UGGT2: variants seen among roughly 807,000 people sequenced by gnomAD.
The protein encoded by UGGT2 is UDP-glucose:glycoprotein glucosyltransferase 2.
A neutral mutation model predicts 192.1 loss-of-function variants in UGGT2; 180 were observed. The observed-to-expected ratio is 0.94, with a 90% CI of 0.83 to 1.06. The LOEUF is 1.06. Ranked by LOEUF, UGGT2 falls within the 50% of genes least tolerant of loss-of-function variation. UGGT2 has a pLI of 0.00. For synonymous variants in UGGT2, 580 were observed against 591.0 expected, an observed-to-expected ratio of 0.98 and a Z score of 0.27; for missense variants, 1,849 against 1,795.7, an observed-to-expected ratio of 1.03 and a Z score of -0.54.
At position 96,026,688 on chromosome 13, in the gene UGGT2, G is replaced by A. The variant is rs1472800726; in HGVS notation, c.242-2929C>T. Among the ~76,000 whole-genome samples the A allele has an allele frequency of 6.6e-4, 86 of 131,150 alleles. 1 individual carries two copies. The highest frequency in any genetic ancestry group is 6.3e-3 in the South Asian group (27 of 4,282). 86.0% of individuals were successfully genotyped at this position (131,150 alleles called of 152,430 possible). A position where few individuals can be genotyped will look rare whatever the true frequency, so the allele number is the denominator to read the frequency against. Reference sequence around the variant, plus strand: ...TTTTTTTTTTTTTTTTTTTTGAGACGGAGTCTCGCTCTGTCGCCCAGGTCG... The same window carrying A: ...TTTTTTTTTTTTTTTTTTTTGAGACAGAGTCTCGCTCTGTCGCCCAGGTCG... On this transcript the variant is annotated intron_variant, in intron 2 of 38. Coordinates refer to ENST00000376747, the MANE Select transcript of UGGT2 (RefSeq NM_020121.4).
intron 38 of UGGT2, among the ~76,000 whole-genome samples, chr13:95,811,989 G>C (rs1884609450): frequency 1.3e-5 from 2 of 152,052 alleles, no homozygotes; most frequent in Non-Finnish European, 2.9e-5. Context: ...ATAGGAAATG[G>C]CTTCTTTAAA....
chr13:95,964,526 T>C (rs538530547), intron 12 of UGGT2, among the ~76,000 whole-genome samples: 1 of 152,010 alleles, frequency 6.6e-6, no homozygotes, highest in Non-Finnish European at 1.5e-5. Context: ...AGCAAGCCTG[T>C]TCGATGGGAG....
intron 38 of UGGT2, among the ~76,000 whole-genome samples, chr13:95,810,136 T>C (rs1045615410): frequency 6.6e-6 from 1 of 152,190 alleles, no homozygotes; most frequent in Non-Finnish European, 1.5e-5. Context: ...ATTCGACTTT[T>C]TTTTGTAATA....
At chr13:95,828,777 C>T (rs1886328266) in intron 38 of UGGT2, among the ~76,000 whole-genome samples, 1 of 152,130 alleles carries the variant, frequency 6.6e-6, no homozygotes, top group African/African-American at 2.4e-5. Flanking sequence ...TGAAACTATT[C>T]CAATTAATAG....
At position 95,895,183 on chromosome 13, in the gene UGGT2, T is replaced by C. The variant is rs1464517367; in HGVS notation, c.2756A>G (p.Asn919Ser). The C allele has an allele frequency of 6.3e-7, 1 of 1,581,232 alleles. No homozygotes were observed. The highest frequency in any genetic ancestry group is 2.0e-5 in the Admixed American group (1 of 49,572). Residue 919 changes from asparagine to serine, a missense_variant, in exon 23 of 39, where the codon AAT (asparagine) becomes AGT (serine). Transcript: ENST00000376747. ...CTCTTAGAACTTATATACTCACTTA[T>C]TTGCGTTGATTCCCATATTTTCAAC... The part of the protein sequence containing the change: ...GIVENMGINA[N>S]NMSDFIMKVD...
chr13:95,947,261 C>T, intron 14 of UGGT2, 89 bp from the exon 15 acceptor site: 5 of 1,262,700 alleles, frequency 4.0e-6, no homozygotes, highest in Non-Finnish European at 5.4e-6. Flanking sequence ...ACTACAATAT[C>T]TAGATGGAGA....
chr13:95,892,695 T>C (rs556349977), intron 24 of UGGT2, among the ~76,000 whole-genome samples: 2 of 152,312 alleles, frequency 1.3e-5, no homozygotes, highest in South Asian at 2.1e-4. Context: ...GTTCATTATA[T>C]AGCATCCTCT....
intron 38 of UGGT2, among the ~76,000 whole-genome samples, chr13:95,825,210 G>A (rs966820984): frequency 2.0e-5 from 3 of 152,098 alleles, no homozygotes; most frequent in African/African-American, 7.2e-5. Flanking sequence ...TTTCTCCCCA[G>A]TATTTTATTT....
intron 4 of UGGT2, among the ~76,000 whole-genome samples, chr13:96,019,612 G>GT (rs1450543391): frequency 3.9e-5 from 6 of 152,186 alleles, no homozygotes; most frequent in African/African-American, 1.4e-4. Flanking sequence ...ATCTAAAGGA[G>GT]TAAACCAGAC....
At chr13:95,900,961 T>C in intron 21 of UGGT2, 23 bp from the exon 22 acceptor site, 1 of 1,512,410 alleles carries the variant, frequency 6.6e-7, no homozygotes, top group Non-Finnish European at 8.8e-7. Flanking sequence ...TTAAGACTGA[T>C]GAAACTAATA....
chr13:95,834,274 A>G (rs1192996379), intron 37 of UGGT2, among the ~76,000 whole-genome samples: 3 of 151,818 alleles, frequency 2.0e-5, no homozygotes, highest in Non-Finnish European at 4.4e-5. Flanking sequence ...AAGCTTTATT[A>G]GTGTTTCTTA....
chr13:96,047,136 C>T (rs187154810), intron 1 of UGGT2, among the ~76,000 whole-genome samples: 8 of 152,320 alleles, frequency 5.3e-5, no homozygotes, highest in East Asian at 1.9e-4. Context: ...TCTCCCAGCA[C>T]GGAGTTTGAG....
intron 11 of UGGT2, among the ~76,000 whole-genome samples, chr13:95,970,788 T>A (rs544800299): frequency 2.7e-4 from 41 of 152,154 alleles, no homozygotes; most frequent in African/African-American, 9.9e-4. Flanking sequence ...AATAACCCCA[T>A]TGACAACAAA....
intron 17 of UGGT2, among the ~76,000 whole-genome samples, chr13:95,935,395 G>A (rs575201468): frequency 6.6e-6 from 1 of 152,272 alleles, no homozygotes. Flanking sequence ...TTGCTTGTCT[G>A]GGAAAGATTT....
At chr13:95,911,157 C>T (rs2048481857) in intron 20 of UGGT2, among the ~76,000 whole-genome samples, 1 of 152,094 alleles carries the variant, frequency 6.6e-6, no homozygotes, top group African/African-American at 2.4e-5. Context: ...AATCAACACC[C>T]TAACATCACA....
intron 17 of UGGT2, among the ~76,000 whole-genome samples, chr13:95,936,625 G>C (rs2049473849): frequency 6.6e-6 from 1 of 152,180 alleles, no homozygotes; most frequent in African/African-American, 2.4e-5. Flanking sequence ...AAACCTCCTT[G>C]GCTCCAAGTT....
chr13:95,941,620 A>C (rs1306140357), intron 15 of UGGT2, among the ~76,000 whole-genome samples: 1 of 152,208 alleles, frequency 6.6e-6, no homozygotes, highest in Non-Finnish European at 1.5e-5. Flanking sequence ...ACCTGAAAAT[A>C]TTAGATACTC....
chr13:95,852,142 T>C (rs865792184), intron 36 of UGGT2, among the ~76,000 whole-genome samples: 9 of 152,338 alleles, frequency 5.9e-5, no homozygotes, highest in African/African-American at 1.7e-4. Flanking sequence ...TTTTGACATA[T>C]AATTTCCCAC....
chr13:96,045,976 G>GA (rs932975333), intron 1 of UGGT2, among the ~76,000 whole-genome samples: 2 of 151,456 alleles, frequency 1.3e-5, no homozygotes, highest in Non-Finnish European at 2.9e-5. Context: ...CACAAAACTA[G>GA]AAAAAAAATC....
Sources: allele counts gnomAD v4.1 joint callset (sites outside exome capture counted in the v4.1 genomes callset), GRCh38; gene constraint gnomAD v4.1.1; transcripts MANE v1.5; gene names NCBI Gene and HGNC (gene_info 2026-07-23, HGNC 2026-07-21).